VPS13B: variants seen among roughly 807,000 people sequenced by gnomAD.
VPS13B encodes the protein intermembrane lipid transfer protein VPS13B.
VPS13B carries 285 observed loss-of-function variants against 426.4 expected under a neutral mutation model. That is an observed-to-expected ratio of 0.67 (90% CI 0.61 to 0.74). The LOEUF is 0.74. Ranked by LOEUF, VPS13B falls within the 30% of genes least tolerant of loss-of-function variation. The pLI, the probability that VPS13B is intolerant of heterozygous loss-of-function variation, is 0.00. For synonymous variants in VPS13B, 1,676 were observed against 1,676.4 expected (o/e 1.00, Z 0.01); for missense variants, 4,537 against 4,782.6 (o/e 0.95, Z 1.51).
intron 54 of VPS13B, among the ~76,000 whole-genome samples, chr8:99,836,411 T>C (rs796839441): frequency 2.7e-5 from 4 of 150,272 alleles, no homozygotes; most frequent in East Asian, 2.0e-4. Flanking sequence ...CACTAAGCAA[T>C]AATTCCCCAT....
intron 3 of VPS13B, among the ~76,000 whole-genome samples, chr8:99,080,360 T>A (rs909197399): frequency 6.6e-6 from 1 of 152,142 alleles, no homozygotes; most frequent in African/African-American, 2.4e-5. Context: ...TCCTATGGTT[T>A]CTTGTAGTAA....
At chr8:99,683,175 C>A (rs1831226260) in intron 35 of VPS13B, among the ~76,000 whole-genome samples, 1 of 152,078 alleles carries the variant, frequency 6.6e-6, no homozygotes, top group African/African-American at 2.4e-5. Flanking sequence ...ATTCTTTGGA[C>A]CCTATTTCTG....
chr8:99,261,675 C>T (rs1818044575), intron 17 of VPS13B, among the ~76,000 whole-genome samples: 1 of 152,092 alleles, frequency 6.6e-6, no homozygotes, highest in Non-Finnish European at 1.5e-5. Context: ...ATTTTGCATT[C>T]CCACCAACAG....
At chr8:99,038,756 G>A (rs899834067) in intron 3 of VPS13B, among the ~76,000 whole-genome samples, 190 bp downstream of exon 3, 4 of 143,662 alleles carry the variant, frequency 2.8e-5, no homozygotes, top group Admixed American at 7.4e-5. Flanking sequence ...GTGCGATCTC[G>A]GCTCACTGCA....
intron 33 of VPS13B, among the ~76,000 whole-genome samples, chr8:99,588,517 T>G (rs1390542952): frequency 6.6e-6 from 1 of 151,726 alleles, no homozygotes; most frequent in Non-Finnish European, 1.5e-5. Context: ...TAGTTCTGCT[T>G]GAAGAGGTCC....
rs993195233 is a variant in VPS13B, at chr8:99,156,418, G to A, written c.2014-131G>A. The A allele has an allele frequency of 1.5e-4, 117 of 789,826 alleles. No homozygotes were observed. The Admixed American group carries it at 2.7e-3, about 18-fold the overall frequency. The allele number at this position is 789,826 out of a possible 1,614,324, so 48.9% of individuals were successfully genotyped here. A position where few individuals can be genotyped will look rare whatever the true frequency, so the allele number is the denominator to read the frequency against. ...TATTTGGTTATGGCAAGAGAGTTCT[G>A]TAGAAAGGCATCATTTCTAGATTGA... On this transcript the variant is annotated intron_variant, in intron 14 of 61. Transcript: ENST00000357162.
intron 36 of VPS13B, among the ~76,000 whole-genome samples, chr8:99,701,684 TG>T (rs1832288738): frequency 6.6e-6 from 1 of 152,186 alleles, no homozygotes; most frequent in Non-Finnish European, 1.5e-5. Flanking sequence ...AACTCTAACA[TG>T]TAGTGTCCAG....
At chr8:99,423,320 A>C (rs1816484876) in intron 21 of VPS13B, among the ~76,000 whole-genome samples, 1 of 151,890 alleles carries the variant, frequency 6.6e-6, no homozygotes, top group East Asian at 1.9e-4. Flanking sequence ...GCAGTGGGGC[A>C]AACTTGACTC....
chr8:99,446,800 G>C (rs1016811016), intron 23 of VPS13B, among the ~76,000 whole-genome samples: 1 of 152,126 alleles, frequency 6.6e-6, no homozygotes, highest in Admixed American at 6.6e-5. Context: ...ACTAGTACCT[G>C]AATAGAGATC....
intron 19 of VPS13B, among the ~76,000 whole-genome samples, chr8:99,299,660 C>T (rs920291609): frequency 6.6e-6 from 1 of 151,730 alleles, no homozygotes; most frequent in Admixed American, 6.6e-5. Context: ...GCCTGTAATC[C>T]CAGCACTTTG....
chr8:99,344,002 C>G (rs1811392263), intron 19 of VPS13B, among the ~76,000 whole-genome samples: 1 of 152,126 alleles, frequency 6.6e-6, no homozygotes, highest in Non-Finnish European at 1.5e-5. Flanking sequence ...CTCAAATAGC[C>G]AAAACGGTCT....
chr8:99,296,339 T>C (rs930949557), intron 19 of VPS13B, among the ~76,000 whole-genome samples: 1 of 152,112 alleles, frequency 6.6e-6, no homozygotes, highest in Middle Eastern at 3.2e-3. Context: ...TCACTGGAAA[T>C]AAGGATAATA....
chr8:99,313,980 T>C (rs1380732955), intron 19 of VPS13B, among the ~76,000 whole-genome samples: 1 of 152,148 alleles, frequency 6.6e-6, no homozygotes. Flanking sequence ...GCACGGGATA[T>C]AATCTCCTTG....
At chr8:99,502,584 G>C (rs1821303074) in intron 26 of VPS13B, among the ~76,000 whole-genome samples, 1 of 152,104 alleles carries the variant, frequency 6.6e-6, no homozygotes, top group African/African-American at 2.4e-5. Flanking sequence ...GTCACTAAAA[G>C]TATTGGGAAA....
At chr8:99,784,251 A>G (rs1812152613) in intron 42 of VPS13B, 64 bp from the exon 43 acceptor site, 1 of 1,605,934 alleles carries the variant, frequency 6.2e-7, no homozygotes, top group Non-Finnish European at 8.5e-7. Flanking sequence ...CACTGGGCAG[A>G]CAGCTGCCAA....
intron 33 of VPS13B, among the ~76,000 whole-genome samples, 161 bp from the exon 34 acceptor site, chr8:99,641,650 G>A (rs1398792523): frequency 1.3e-5 from 2 of 152,052 alleles, no homozygotes; most frequent in African/African-American, 2.4e-5. Flanking sequence ...TAGGGGTCTG[G>A]TGTAGAAAAT....
At chr8:99,696,522 A>G in intron 35 of VPS13B, 1 of 452,606 alleles carries the variant, frequency 2.2e-6, no homozygotes, top group East Asian at 5.1e-5. Context: ...TGTCCAGTTC[A>G]TGGAATTCCT....
At chr8:99,588,768 A>G (rs1202313094) in intron 33 of VPS13B, among the ~76,000 whole-genome samples, 1 of 151,722 alleles carries the variant, frequency 6.6e-6, no homozygotes, top group Admixed American at 6.6e-5. Flanking sequence ...AACAGGGACA[A>G]TTTGACTTCC....
chr8:99,720,950 A>C lies in VPS13B; in HGVS notation c.6953A>C (p.Glu2318Ala). The C allele has an allele frequency of 6.2e-7, 1 of 1,614,080 alleles. No individual in the cohort carries two copies. The stretch of plus-strand genomic sequence containing the variant: ...GGGATGATGTTATGGAGATATCCAG[A>C]ACCTAGAGTACTCACCCTTGTACGA... ...CPGMMLWRYP[E>A]PRVLTLVRIT... The change falls in exon 39 of 62, where the codon GAA (glutamate) becomes GCA (alanine). Residue 2318 changes from glutamate to alanine, a missense_variant. Coordinates refer to ENST00000357162, the MANE Select transcript of VPS13B (RefSeq NM_152564.5).
Sources: allele counts gnomAD v4.1 joint callset (sites outside exome capture counted in the v4.1 genomes callset), GRCh38; gene constraint gnomAD v4.1.1; transcripts MANE v1.5; gene names NCBI Gene and HGNC (gene_info 2026-07-23, HGNC 2026-07-21).